Variants in TMTC2 observed in about 807,000 individuals in gnomAD.
TMTC2 encodes the protein protein O-mannosyl-transferase TMTC2.
Under a neutral mutation model 82.4 loss-of-function variants are expected in TMTC2, and 43 were observed. The ratio of observed to expected loss-of-function variants is 0.52; its 90% CI spans 0.41 to 0.67. The LOEUF (loss-of-function observed/expected upper bound fraction) is 0.67, where lower values mean the gene tolerates loss of function less well. Among genes scored for constraint, TMTC2 ranks in the 30% least tolerant of loss-of-function variants. The pLI is 0.00. For synonymous variants in TMTC2, 408 were observed against 381.9 expected (o/e 1.07, Z -0.80); for missense variants, 919 against 1,012.4 (o/e 0.91, Z 1.25).
intron 11 of TMTC2, among the ~76,000 whole-genome samples, chr12:83,113,925 G>T (rs1327837571): frequency 3.9e-5 from 6 of 152,162 alleles, no homozygotes; most frequent in Non-Finnish European, 8.8e-5. Context: ...GAAGGCTGTG[G>T]TGAATTCACT....
chr12:82,846,463 C>T (rs2137099141), intron 1 of TMTC2, among the ~76,000 whole-genome samples: 1 of 152,206 alleles, frequency 6.6e-6, no homozygotes, highest in East Asian at 1.9e-4. Context: ...GAAGGCAAAT[C>T]TCCAACATCT....
intron 3 of TMTC2, among the ~76,000 whole-genome samples, chr12:82,909,690 A>G (rs185648697): frequency 4.6e-5 from 7 of 152,120 alleles, no homozygotes; most frequent in Admixed American, 6.6e-5. Context: ...ACCAATTAAT[A>G]CATTCATTTG....
intron 3 of TMTC2, among the ~76,000 whole-genome samples, chr12:82,904,134 T>G (rs2137196545): frequency 6.6e-6 from 1 of 152,318 alleles, no homozygotes; most frequent in African/African-American, 2.4e-5. Flanking sequence ...TAATCTTCCT[T>G]AAGGCAGATT....
chr12:82,703,498 CTTT>C lies in TMTC2; in HGVS notation c.83+15845_83+15847del, dbSNP rs539968079. On this transcript the variant is annotated intron_variant, in intron 1 of 11. Coordinates refer to ENST00000321196, the MANE Select transcript of TMTC2 (RefSeq NM_152588.3). ...GTAATGGAAGATAGATAGTTTCTTT[CTTT>C]TTTTTTTTTTTTTTTGAGACAGAGT... 2.2e-3 allele frequency among the ~76,000 whole-genome samples: 273 copies of C among 121,606 alleles called. 1 individual carries two copies. The highest frequency in any genetic ancestry group is 7.6e-3 in the African/African-American group (235 of 30,906). The allele number at this position is 121,606 out of a possible 152,430, so 79.8% of individuals were successfully genotyped here.
At chr12:83,012,917 T>G (rs533421958) in intron 8 of TMTC2, among the ~76,000 whole-genome samples, 1 of 152,292 alleles carries the variant, frequency 6.6e-6, no homozygotes, top group African/African-American at 2.4e-5. Flanking sequence ...TATTTATGTA[T>G]TTCAGCTGAA....
chr12:82,697,448 T>C (rs1003625179), intron 1 of TMTC2, among the ~76,000 whole-genome samples: 1 of 152,108 alleles, frequency 6.6e-6, no homozygotes, highest in Non-Finnish European at 1.5e-5. Context: ...AATAAGGCTG[T>C]AGTTCATTTA....
At chr12:82,978,150 A>G (rs1878763215) in intron 7 of TMTC2, among the ~76,000 whole-genome samples, 1 of 151,764 alleles carries the variant, frequency 6.6e-6, no homozygotes, top group African/African-American at 2.4e-5. Flanking sequence ...TAACTATTAA[A>G]TGGAATAACC....
At chr12:82,933,991 T>C (rs933722351) in intron 4 of TMTC2, among the ~76,000 whole-genome samples, 4 of 152,180 alleles carry the variant, frequency 2.6e-5, no homozygotes, top group African/African-American at 9.7e-5. Flanking sequence ...TGTAAAATGA[T>C]GGGATAATTT....
intron 1 of TMTC2, among the ~76,000 whole-genome samples, chr12:82,777,753 A>T (rs1877671221): frequency 6.6e-6 from 1 of 152,104 alleles, no homozygotes; most frequent in Non-Finnish European, 1.5e-5. Flanking sequence ...ATCTCTCTTT[A>T]TACTAGCTCC....
intron 11 of TMTC2, among the ~76,000 whole-genome samples, chr12:83,093,105 A>G (rs995963203): frequency 3.3e-5 from 5 of 152,114 alleles, no homozygotes; most frequent in Admixed American, 2.0e-4. Flanking sequence ...GTGTGTGTGC[A>G]TGCACATGTA....
At chr12:82,733,066 CTT>C (rs1175068004) in intron 1 of TMTC2, among the ~76,000 whole-genome samples, 3 of 151,962 alleles carry the variant, frequency 2.0e-5, no homozygotes, top group African/African-American at 4.8e-5. Flanking sequence ...GGGAAGATCT[CTT>C]TATTTTTTTT....
At chr12:82,990,372 A>G (rs1879349105) in intron 8 of TMTC2, among the ~76,000 whole-genome samples, 1 of 152,216 alleles carries the variant, frequency 6.6e-6, no homozygotes, top group Non-Finnish European at 1.5e-5. Context: ...TGTCTTTAAG[A>G]ATTTGTGTAA....
intron 1 of TMTC2, among the ~76,000 whole-genome samples, chr12:82,779,520 T>C (rs184927634): frequency 2.0e-5 from 3 of 152,278 alleles, no homozygotes; most frequent in Admixed American, 2.0e-4. Context: ...CAAGTATAGA[T>C]TAAACTGTAA....
Position 82,808,518 on chromosome 12 carries a change from C to T in TMTC2, c.84-48492C>T, listed in dbSNP as rs142927355. Reference sequence around the variant, plus strand: ...TCAGTTCGTAGATATGGAAACTGAGCTGAAACATTAAATAAATTAATCATC... The same window carrying T: ...TCAGTTCGTAGATATGGAAACTGAGTTGAAACATTAAATAAATTAATCATC... On this transcript the variant is annotated intron_variant, in intron 1 of 11. Coordinates refer to ENST00000321196, the MANE Select transcript of TMTC2 (RefSeq NM_152588.3). Among the ~76,000 whole-genome samples the T allele has an allele frequency of 2.4e-3, 370 of 152,172 alleles. 1 individual carries two copies. The highest frequency in any genetic ancestry group is 8.6e-3 in the African/African-American group (357 of 41,558).
intron 1 of TMTC2, among the ~76,000 whole-genome samples, chr12:82,783,044 C>T (rs1877985799): frequency 6.6e-6 from 1 of 151,848 alleles, no homozygotes; most frequent in Non-Finnish European, 1.5e-5. Flanking sequence ...AAACAGGGTA[C>T]ATTAGAATTT....
At chr12:82,760,941 A>G (rs978416190) in intron 1 of TMTC2, 1 of 256,058 alleles carries the variant, frequency 3.9e-6, no homozygotes, top group Non-Finnish European at 7.8e-6. Context: ...ATTATGGTGA[A>G]TTGTATAATT....
chr12:82,944,042 G>T (rs1876860860), intron 4 of TMTC2, among the ~76,000 whole-genome samples: 1 of 152,158 alleles, frequency 6.6e-6, no homozygotes, highest in Non-Finnish European at 1.5e-5. Context: ...AAGTAAGGTG[G>T]TTTGGGGGAA....
At chr12:82,837,611 A>G (rs1195405200) in intron 1 of TMTC2, among the ~76,000 whole-genome samples, 1 of 152,188 alleles carries the variant, frequency 6.6e-6, no homozygotes, top group African/African-American at 2.4e-5. Flanking sequence ...AAGACTGTAA[A>G]GGCTTTTGGT....
In TMTC2 at chr12:82,979,579, T is replaced by C. The variant is rs557390943; in HGVS notation, c.1949-6346T>C. On this transcript the variant is annotated intron_variant, in intron 7 of 11. Transcript: ENST00000321196. ...GTAGTTATTTGTTTTGATTGGTTCA[T>C]TTTTCAATCTTTCAACTCAAGATAT... is the stretch of plus-strand genomic sequence containing the variant. Among the ~76,000 whole-genome samples, 99 of 151,958 alleles carry C rather than the reference T, an allele frequency of 6.5e-4. 1 individual carries two copies. The highest frequency in any genetic ancestry group is 2.4e-3 in the African/African-American group (99 of 41,540).
Sources: allele counts gnomAD v4.1 joint callset (sites outside exome capture counted in the v4.1 genomes callset), GRCh38; gene constraint gnomAD v4.1.1; transcripts MANE v1.5; gene names NCBI Gene and HGNC (gene_info 2026-07-23, HGNC 2026-07-21).